STX18: variants seen among roughly 807,000 people sequenced by gnomAD.
The protein encoded by STX18 is syntaxin 18, also known as syntaxin-18.
In STX18, 40 loss-of-function variants were observed where a neutral mutation model predicts 50.1. The ratio of observed to expected loss-of-function variants is 0.80; its 90% CI spans 0.62 to 1.04. The LOEUF is 1.04. STX18 is among the 50% of genes least tolerant of loss of function. The pLI, the probability that STX18 is intolerant of heterozygous loss-of-function variation, is 0.00. For synonymous variants in STX18, 158 were observed against 151.8 expected (o/e 1.04, Z -0.30); for missense variants, 410 against 415.8 (o/e 0.99, Z 0.12).
At chr4:4,512,603 A>G (rs529174561) in intron 1 of STX18, among the ~76,000 whole-genome samples, 1 of 152,310 alleles carries the variant, frequency 6.6e-6, no homozygotes, top group South Asian at 2.1e-4. Context: ...AACAGCCAGG[A>G]CATTACCAGT....
At chr4:4,468,334 C>T (rs979964441) in intron 2 of STX18, among the ~76,000 whole-genome samples, 1 of 152,128 alleles carries the variant, frequency 6.6e-6, no homozygotes, top group South Asian at 2.1e-4. Flanking sequence ...CTGGAAGTTG[C>T]AGGGGCTAAC....
intron 1 of STX18, chr4:4,499,473 A>T: frequency 1.0e-6 from 1 of 984,894 alleles, no homozygotes; most frequent in Non-Finnish European, 1.2e-6. Context: ...GAAAAACAGC[A>T]TTTCATATGC....
intron 7 of STX18, among the ~76,000 whole-genome samples, chr4:4,431,715 C>T (rs886191312): frequency 6.6e-6 from 1 of 152,174 alleles, no homozygotes; most frequent in Admixed American, 6.5e-5. Flanking sequence ...CCCAGCCTGC[C>T]CACCTTCTGT....
chr4:4,523,535 C>A (rs1383621593), intron 1 of STX18, among the ~76,000 whole-genome samples: 2 of 152,140 alleles, frequency 1.3e-5, no homozygotes, highest in African/African-American at 2.4e-5. Context: ...TCTTAACTAC[C>A]TACCTATCAC....
rs1460563259 is a variant in STX18, at chr4:4,419,033, CTG to C, written c.*999_*1000del. The C allele has an allele frequency of 6.6e-6, 1 of 152,266 alleles. No individual in the cohort carries two copies. Among genetic ancestry groups the C allele is most frequent in the African/African-American group, 2.4e-5 (1 of 41,458 alleles). The allele number at this position is 152,266 out of a possible 1,614,324, so 9.4% of individuals were successfully genotyped here. A position where few individuals can be genotyped will look rare whatever the true frequency, so the allele number is the denominator to read the frequency against. On this transcript the variant is annotated 3_prime_UTR_variant, in exon 11 of 11. Transcript: ENST00000306200. ...TACATGTAACTTCTGACATTTCACT[CTG>C]TGCAAATAAAGAACATGAGGATACC...
At chr4:4,498,340 T>C (rs1028653531) in intron 1 of STX18, among the ~76,000 whole-genome samples, 4 of 152,146 alleles carry the variant, frequency 2.6e-5, no homozygotes, top group Admixed American at 2.0e-4. Flanking sequence ...ATGATGATAA[T>C]ATACCCCCCA....
intron 1 of STX18, among the ~76,000 whole-genome samples, chr4:4,527,888 C>A (rs1205021683): frequency 8.2e-6 from 1 of 122,080 alleles, no homozygotes; most frequent in African/African-American, 3.2e-5. Flanking sequence ...ATATTAAAAA[C>A]TACCTTAAAT....
intron 2 of STX18, among the ~76,000 whole-genome samples, chr4:4,465,905 C>T (rs1727597309): frequency 6.6e-6 from 1 of 152,214 alleles, no homozygotes; most frequent in African/African-American, 2.4e-5. Flanking sequence ...CTATTTTATA[C>T]TCCATGCCTG....
chr4:4,496,741 C>G (rs1164672372), intron 1 of STX18, among the ~76,000 whole-genome samples: 1 of 152,216 alleles, frequency 6.6e-6, no homozygotes, highest in African/African-American at 2.4e-5. Context: ...AAACAGCTGT[C>G]TCACCATGAG....
chr4:4,501,033 C>T (rs919359108), intron 1 of STX18, among the ~76,000 whole-genome samples: 25 of 151,868 alleles, frequency 1.6e-4, no homozygotes, highest in Admixed American at 1.6e-3. Context: ...AGCAAGACTC[C>T]ATATCAAAAA....
chr4:4,462,624 G>T (rs866431874), intron 2 of STX18, among the ~76,000 whole-genome samples: 2 of 152,014 alleles, frequency 1.3e-5, no homozygotes, highest in Admixed American at 6.6e-5. Context: ...CTACTCAGGA[G>T]GCTGAGGCAG....
At chr4:4,518,371 G>A (rs949346427) in intron 1 of STX18, among the ~76,000 whole-genome samples, 2 of 152,118 alleles carry the variant, frequency 1.3e-5, no homozygotes, top group Non-Finnish European at 2.9e-5. Flanking sequence ...TCAGAATAAG[G>A]CATTTGTATA....
At chr4:4,424,392 G>C (rs1725132919) in intron 8 of STX18, among the ~76,000 whole-genome samples, 1 of 152,060 alleles carries the variant, frequency 6.6e-6, no homozygotes, top group South Asian at 2.1e-4. Flanking sequence ...GGGCAGGGGA[G>C]GAGATGTGGG....
intron 1 of STX18, among the ~76,000 whole-genome samples, chr4:4,532,844 T>C (rs889213736): frequency 2.6e-5 from 4 of 152,140 alleles, no homozygotes; most frequent in Non-Finnish European, 5.9e-5. Context: ...CTGGAGAAAA[T>C]GTCCAAGAAA....
chr4:4,508,308 C>T (rs1422441031), intron 1 of STX18, among the ~76,000 whole-genome samples: 1 of 152,154 alleles, frequency 6.6e-6, no homozygotes, highest in African/African-American at 2.4e-5. Context: ...AATACAACAA[C>T]CTATCTCTTT....
chr4:4,432,858 C>T (rs1294581718), intron 7 of STX18, among the ~76,000 whole-genome samples: 2 of 152,242 alleles, frequency 1.3e-5, no homozygotes, highest in Non-Finnish European at 2.9e-5. Flanking sequence ...CTGCCCTTGG[C>T]GGCCAATGCT....
At chr4:4,514,254 G>A (rs1255207131) in intron 1 of STX18, among the ~76,000 whole-genome samples, 1 of 152,170 alleles carries the variant, frequency 6.6e-6, no homozygotes, top group African/African-American at 2.4e-5. Flanking sequence ...ACTGCAGATG[G>A]AGAAAGCAGT....
At chr4:4,459,049 AAC>A (rs1054012083) in intron 3 of STX18, among the ~76,000 whole-genome samples, 13 of 121,892 alleles carry the variant, frequency 1.1e-4, no homozygotes, top group East Asian at 4.0e-4. Flanking sequence ...TGCCACACAG[AAC>A]ACACACACAC....
chr4:4,527,608 T>C (rs1352654476), intron 1 of STX18, among the ~76,000 whole-genome samples: 2 of 151,880 alleles, frequency 1.3e-5, no homozygotes, highest in East Asian at 3.9e-4. Context: ...CAGATTCCAT[T>C]TCAGTTCAGA....
Sources: allele counts gnomAD v4.1 joint callset (sites outside exome capture counted in the v4.1 genomes callset), GRCh38; gene constraint gnomAD v4.1.1; transcripts MANE v1.5; gene names NCBI Gene and HGNC (gene_info 2026-07-23, HGNC 2026-07-21).